Variants in PLCL1 observed in about 807,000 individuals in gnomAD.
The protein encoded by PLCL1 is phospholipase C like 1 (inactive).
Under a neutral mutation model 84.4 loss-of-function variants are expected in PLCL1, and 41 were observed. That is an observed-to-expected ratio of 0.49 (90% confidence interval 0.38 to 0.63). The LOEUF (loss-of-function observed/expected upper bound fraction) is 0.63. PLCL1 is among the 30% of genes least tolerant of loss of function. The probability of loss-of-function intolerance (pLI) is 0.00; values close to 1 mark genes in which losing one functional copy is unlikely to be tolerated. For missense variants in PLCL1, 1,206 were observed against 1,367.8 expected, an observed-to-expected ratio of 0.88 and a Z score of 1.87; for synonymous variants, 490 against 488.3, an observed-to-expected ratio of 1.00 and a Z score of -0.05.
chr2:197,868,688 G>A (rs1687592050), intron 1 of PLCL1, among the ~76,000 whole-genome samples: 1 of 145,872 alleles, frequency 6.9e-6, no homozygotes, highest in Non-Finnish European at 1.5e-5. Flanking sequence ...TTTTTTTTTA[G>A]TAGAGATAAG....
chr2:197,989,196 T>C (rs1690285024), intron 1 of PLCL1, among the ~76,000 whole-genome samples: 1 of 152,226 alleles, frequency 6.6e-6, no homozygotes, highest in Admixed American at 6.5e-5. Flanking sequence ...ATTCATTCAG[T>C]AATTATTTAT....
chr2:198,014,786 T>C (rs1352631428), intron 1 of PLCL1, among the ~76,000 whole-genome samples: 1 of 152,138 alleles, frequency 6.6e-6, no homozygotes. Flanking sequence ...TAATACTAGC[T>C]ACACCCTGTG....
At chr2:197,941,420 TA>T (rs1446478510) in intron 1 of PLCL1, among the ~76,000 whole-genome samples, 1 of 152,072 alleles carries the variant, frequency 6.6e-6, no homozygotes, top group Non-Finnish European at 1.5e-5. Context: ...GCCTCCCAAG[TA>T]GCTGGGGCTG....
chr2:198,033,269 A>C (rs2105851282), intron 1 of PLCL1, among the ~76,000 whole-genome samples: 1 of 152,300 alleles, frequency 6.6e-6, no homozygotes, highest in African/African-American at 2.4e-5. Flanking sequence ...ATCTTAATTA[A>C]ACTTGGCCAG....
chr2:198,088,026 A>C (rs1692929076), intron 2 of PLCL1, among the ~76,000 whole-genome samples: 1 of 152,170 alleles, frequency 6.6e-6, no homozygotes, highest in Non-Finnish European at 1.5e-5. Context: ...ACTATTATAA[A>C]TCCCTATGTT....
At chr2:197,821,268 C>A (rs750134631) in intron 1 of PLCL1, among the ~76,000 whole-genome samples, 8 of 152,152 alleles carry the variant, frequency 5.3e-5, no homozygotes, top group African/African-American at 1.9e-4. Flanking sequence ...CTATAAAAAT[C>A]TTTTTTAAAG....
intron 1 of PLCL1, among the ~76,000 whole-genome samples, chr2:197,834,920 C>T (rs1467012997): frequency 6.6e-6 from 1 of 152,158 alleles, no homozygotes; most frequent in Admixed American, 6.5e-5. Flanking sequence ...CAATGATAGA[C>T]TGGATCAAGA....
chr2:197,806,600 G>T (rs548094060), intron 1 of PLCL1, among the ~76,000 whole-genome samples: 1 of 152,282 alleles, frequency 6.6e-6, no homozygotes, highest in African/African-American at 2.4e-5. Context: ...GTTATTTTGT[G>T]GCTTTTTGAT....
chr2:197,843,569 A>C (rs1687058348), intron 1 of PLCL1, among the ~76,000 whole-genome samples: 1 of 152,158 alleles, frequency 6.6e-6, no homozygotes, highest in Non-Finnish European at 1.5e-5. Flanking sequence ...GAGAATCCAC[A>C]AGGAAAATCT....
intron 1 of PLCL1, among the ~76,000 whole-genome samples, chr2:197,995,910 G>A (rs1232665866): frequency 1.3e-5 from 2 of 152,208 alleles, no homozygotes; most frequent in Non-Finnish European, 2.9e-5. Context: ...TATGAGAGTT[G>A]AAAGGTTAAA....
intron 2 of PLCL1, among the ~76,000 whole-genome samples, chr2:198,086,906 T>C (rs1692898736): frequency 6.6e-6 from 1 of 152,118 alleles, no homozygotes; most frequent in East Asian, 1.9e-4. Flanking sequence ...TAATTACCAG[T>C]GTATATATAA....
At chr2:197,834,622 T>G (rs569272877) in intron 1 of PLCL1, among the ~76,000 whole-genome samples, 92 of 152,332 alleles carry the variant, frequency 6.0e-4, no homozygotes, top group African/African-American at 2.2e-3. Context: ...CCAGTTAGAA[T>G]GGCGATCATT....
At chr2:197,907,640 C>T (rs1347174748) in intron 1 of PLCL1, among the ~76,000 whole-genome samples, 2 of 152,206 alleles carry the variant, frequency 1.3e-5, no homozygotes, top group African/African-American at 2.4e-5. Flanking sequence ...GAGGTTGGCA[C>T]TGTGTTCCAG....
In PLCL1 at chr2:198,086,129, A is replaced by G. The variant is rs1265734549; in HGVS notation, c.2612A>G (p.Glu871Gly). The G allele has an allele frequency of 6.2e-7, 1 of 1,613,824 alleles. No homozygotes were observed. Among genetic ancestry groups the G allele is most frequent in the South Asian group, 1.1e-5 (1 of 91,074 alleles). The stretch of plus-strand genomic sequence containing the variant: ...GTGAGAATGGGGAAGAAAGTTCGGG[A>G]ATATACCATGCTCAGGAATATCGGT... Reference protein sequence around the residue: ...LSVRMGKKVREYTMLRNIGLK... With the variant: ...LSVRMGKKVRGYTMLRNIGLK... The change falls in exon 2 of 6, where the codon GAA (glutamate) becomes GGA (glycine). Residue 871 changes from glutamate (E) to glycine (G), a missense_variant. By Grantham distance (98) the Glu-to-Gly change is moderately conservative. Transcript: ENST00000428675.
chr2:197,812,998 G>A (rs898078306), intron 1 of PLCL1, among the ~76,000 whole-genome samples: 6 of 152,154 alleles, frequency 3.9e-5, no homozygotes, highest in South Asian at 2.1e-4. Flanking sequence ...TCTGACAGCC[G>A]ATGATGAGGG....
intron 1 of PLCL1, among the ~76,000 whole-genome samples, chr2:197,868,837 T>G (rs2105702621): frequency 6.6e-6 from 1 of 152,010 alleles, no homozygotes; most frequent in African/African-American, 2.4e-5. Context: ...TTTTAACAGG[T>G]TTGGTTCAGT....
chr2:198,006,477 T>A (rs1275296018), intron 1 of PLCL1, among the ~76,000 whole-genome samples: 1 of 152,160 alleles, frequency 6.6e-6, no homozygotes, highest in African/African-American at 2.4e-5. Flanking sequence ...AGAGTGGAAT[T>A]TTCCTCTTAA....
At chr2:198,033,793 C>T (rs1163494559) in intron 1 of PLCL1, among the ~76,000 whole-genome samples, 2 of 152,138 alleles carry the variant, frequency 1.3e-5, no homozygotes, top group Non-Finnish European at 2.9e-5. Context: ...CAGTCTCTAC[C>T]CCCTCAAGCT....
chr2:197,866,043 A>ATATATG (rs1687525550), intron 1 of PLCL1, among the ~76,000 whole-genome samples: 1 of 107,002 alleles, frequency 9.3e-6, no homozygotes, highest in Non-Finnish European at 1.8e-5. Flanking sequence ...AAAAATATAT[A>ATATATG]TATATATATA....
Sources: gnomAD v4.1 joint callset for allele counts (sites outside exome capture counted in the v4.1 genomes callset) on GRCh38, gnomAD v4.1.1 for gene constraint, MANE v1.5 for transcripts, NCBI Gene and HGNC (gene_info 2026-07-23, HGNC 2026-07-21) for gene names.